Variants in ALK observed in about 807,000 individuals in gnomAD.
The protein encoded by ALK is ALK receptor tyrosine kinase.
A neutral mutation model predicts 163.1 loss-of-function variants in ALK; 74 were observed. The observed-to-expected ratio is 0.45, with a 90% CI of 0.38 to 0.55. The LOEUF is 0.55. ALK is among the 20% of genes least tolerant of loss of function. ALK has a pLI of 0.00. For synonymous variants in ALK, 960 were observed against 843.2 expected (o/e 1.14, Z -2.40); for missense variants, 2,063 against 2,105.3 (o/e 0.98, Z 0.39).
chr2:29,371,330 G>C (rs1668632659), intron 5 of ALK, among the ~76,000 whole-genome samples: 1 of 152,244 alleles, frequency 6.6e-6, no homozygotes, highest in Admixed American at 6.5e-5. Flanking sequence ...ACACTTTCTG[G>C]TACTCCTAGG....
chr2:29,711,695 CA>C (rs1679107523), intron 2 of ALK, among the ~76,000 whole-genome samples: 1 of 152,048 alleles, frequency 6.6e-6, no homozygotes, highest in African/African-American at 2.4e-5. Context: ...GCCACCTGCC[CA>C]GGGGTGAGAG....
chr2:29,418,404 A>G (rs1669932844), intron 4 of ALK, among the ~76,000 whole-genome samples: 1 of 152,220 alleles, frequency 6.6e-6, no homozygotes, highest in African/African-American at 2.4e-5. Context: ...TTTATAACGG[A>G]TATGTATAAT....
At chr2:29,589,812 C>G (rs56742041) in intron 3 of ALK, among the ~76,000 whole-genome samples, 4,672 of 152,296 alleles carry the variant, frequency 0.031, 238 homozygotes, top group African/African-American at 0.11. Context: ...ATTTAGAGAC[C>G]TGGCATAAAG....
At chr2:29,752,161 CA>C (rs1680382607) in intron 1 of ALK, among the ~76,000 whole-genome samples, 1 of 152,020 alleles carries the variant, frequency 6.6e-6, no homozygotes, top group African/African-American at 2.4e-5. Flanking sequence ...CAGTAGAAAC[CA>C]TATTTTAAAT....
intron 1 of ALK, among the ~76,000 whole-genome samples, chr2:29,811,251 G>A (rs570489147): frequency 1.8e-4 from 28 of 152,128 alleles, no homozygotes; most frequent in African/African-American, 6.7e-4. Flanking sequence ...CTTTGAAACT[G>A]AAGAGCACAA....
At chr2:29,846,292 C>A (rs773264650) in intron 1 of ALK, among the ~76,000 whole-genome samples, 2 of 152,208 alleles carry the variant, frequency 1.3e-5, no homozygotes, top group African/African-American at 4.8e-5. Flanking sequence ...TGACTGGCTC[C>A]TTTATTAACC....
At chr2:29,672,654 C>T (rs1346384550) in intron 3 of ALK, among the ~76,000 whole-genome samples, 2 of 151,974 alleles carry the variant, frequency 1.3e-5, no homozygotes, top group Admixed American at 6.6e-5. Flanking sequence ...CATGTGTCTT[C>T]ATAGCAGCAT....
At chr2:29,281,764 A>G (rs1665724829) in intron 9 of ALK, among the ~76,000 whole-genome samples, 1 of 152,126 alleles carries the variant, frequency 6.6e-6, no homozygotes, top group Non-Finnish European at 1.5e-5. Flanking sequence ...CCAAGTCTGG[A>G]AGGGCAGCTT....
chr2:29,207,853 A>G (rs1016359533), intron 25 of ALK, among the ~76,000 whole-genome samples: 4 of 152,236 alleles, frequency 2.6e-5, no homozygotes, highest in Non-Finnish European at 5.9e-5. Flanking sequence ...ATTAGTTTTC[A>G]TCAGTAATGT....
At chr2:29,500,371 G>A (rs1196757158) in intron 4 of ALK, among the ~76,000 whole-genome samples, 1 of 152,128 alleles carries the variant, frequency 6.6e-6, no homozygotes, top group Non-Finnish European at 1.5e-5. Context: ...TAAGATGCCT[G>A]CTCCCCCTCT....
rs78810794 is a variant in ALK, at chr2:29,481,055, G to T, written c.1154+50860C>A. 7.8e-3 allele frequency among the ~76,000 whole-genome samples: 1,181 copies of T among 152,232 alleles called. 12 individuals carry two copies. Among genetic ancestry groups the T allele is most frequent in the African/African-American group, 0.027 (1,112 of 41,534 alleles). On this transcript the variant is annotated intron_variant, in intron 4 of 28. Transcript: ENST00000389048. ...TATCACGTGGGTGTATTCCTGTAAT[G>T]GGGGCCCATGCTCCTGTGTTTGAGG...
At chr2:29,715,425 C>T (rs75747467) in intron 2 of ALK, among the ~76,000 whole-genome samples, 8,066 of 152,204 alleles carry the variant, frequency 0.053, 708 homozygotes, top group African/African-American at 0.18. Context: ...TTCCTTTGCC[C>T]TAAGGTGGCA....
intron 3 of ALK, among the ~76,000 whole-genome samples, chr2:29,627,634 T>C (rs1478549616): frequency 6.6e-6 from 1 of 152,144 alleles, no homozygotes; most frequent in East Asian, 1.9e-4. Context: ...TCTTGTTTGT[T>C]ACAACAGGAA....
intron 1 of ALK, among the ~76,000 whole-genome samples, chr2:29,828,187 A>C (rs1665254326): frequency 6.6e-6 from 1 of 152,256 alleles, no homozygotes; most frequent in South Asian, 2.1e-4. Context: ...TAAAGACTTA[A>C]ATGTTAGACC....
intron 3 of ALK, among the ~76,000 whole-genome samples, chr2:29,616,116 G>A (rs949546766): frequency 6.6e-6 from 1 of 152,232 alleles, no homozygotes; most frequent in African/African-American, 2.4e-5. Flanking sequence ...GTCACAGCCA[G>A]GCATATTATG....
intron 4 of ALK, among the ~76,000 whole-genome samples, chr2:29,473,959 A>G (rs139270186): frequency 6.6e-6 from 1 of 152,352 alleles, no homozygotes; most frequent in Non-Finnish European, 1.5e-5. Context: ...ACTATGGAGC[A>G]CATTCTCAAT....
At chr2:29,732,267 T>A (rs1679766553) in intron 1 of ALK, among the ~76,000 whole-genome samples, 1 of 152,224 alleles carries the variant, frequency 6.6e-6, no homozygotes, top group South Asian at 2.1e-4. Context: ...AAAGTGTGAC[T>A]ATTAAATCTG....
At chr2:29,710,307 T>C (rs1443266960) in intron 2 of ALK, among the ~76,000 whole-genome samples, 3 of 152,038 alleles carry the variant, frequency 2.0e-5, no homozygotes, top group African/African-American at 7.2e-5. Context: ...CAGTCTCAGG[T>C]TTGTCTTTAT....
intron 1 of ALK, among the ~76,000 whole-genome samples, chr2:29,893,388 A>G (rs1371428221): frequency 1.3e-5 from 2 of 152,162 alleles, no homozygotes; most frequent in African/African-American, 4.8e-5. Context: ...TATGTTCACC[A>G]GCTCCCAATT....
Sources: gnomAD v4.1 joint callset for allele counts (sites outside exome capture counted in the v4.1 genomes callset) on GRCh38, gnomAD v4.1.1 for gene constraint, MANE v1.5 for transcripts, NCBI Gene and HGNC (gene_info 2026-07-23, HGNC 2026-07-21) for gene names.